The following ANXA10 variants were observed in gnomAD, a reference collection of about 807,000 sequenced individuals.
The protein encoded by ANXA10 is annexin 14.
ANXA10 carries 49 observed loss-of-function variants against 53.5 expected under a neutral mutation model. The ratio of observed to expected loss-of-function variants is 0.92; its 90% CI spans 0.73 to 1.16. ANXA10 has a LOEUF of 1.16. ANXA10 is among the 50% of genes most tolerant of loss of function. ANXA10 has a pLI of 0.00. For missense variants in ANXA10, 393 were observed against 394.4 expected, an observed-to-expected ratio of 1.00 and a Z score of 0.03; for synonymous variants, 131 against 128.9, an observed-to-expected ratio of 1.02 and a Z score of -0.11.
intron 1 of ANXA10, among the ~76,000 whole-genome samples, chr4:168,118,272 T>G (rs1348654685): frequency 1.3e-5 from 2 of 152,178 alleles, no homozygotes; most frequent in East Asian, 3.8e-4. Context: ...TTCAAAAGAT[T>G]AAATATAAAC....
intron 2 of ANXA10, among the ~76,000 whole-genome samples, chr4:168,134,529 G>A (rs1234047248): frequency 1.3e-5 from 2 of 152,092 alleles, no homozygotes; most frequent in Non-Finnish European, 2.9e-5. Context: ...GTAAGAATAA[G>A]ACAAAGAAAG....
At chr4:168,169,897 A>G (rs1056576491) in intron 6 of ANXA10, among the ~76,000 whole-genome samples, 1 of 152,194 alleles carries the variant, frequency 6.6e-6, no homozygotes, top group Admixed American at 6.5e-5. Context: ...TTAGGATCAC[A>G]GTGTATTTTT....
At chr4:168,161,185 AGTTTTGG>A (rs1731776641) in intron 3 of ANXA10, among the ~76,000 whole-genome samples, 2 of 151,902 alleles carry the variant, frequency 1.3e-5, no homozygotes, top group South Asian at 4.2e-4. Flanking sequence ...GGTTTTTTAT[AGTTTTGG>A]GTTTTACATT....
At chr4:168,176,605 T>C (rs1177963745) in intron 6 of ANXA10, among the ~76,000 whole-genome samples, 1 of 152,132 alleles carries the variant, frequency 6.6e-6, no homozygotes, top group Non-Finnish European at 1.5e-5. Flanking sequence ...ATTCATACTA[T>C]TTAGGGACTG....
chr4:168,180,943 A>C (rs570190398), intron 9 of ANXA10, among the ~76,000 whole-genome samples: 9 of 152,308 alleles, frequency 5.9e-5, no homozygotes, highest in Admixed American at 2.6e-4. Flanking sequence ...GTTGTGGTCC[A>C]TAGTTTCCCC....
In ANXA10 at chr4:168,101,492, T is replaced by A. The variant is rs1012773005; in HGVS notation, c.18+8774T>A. On this transcript the variant is annotated intron_variant, in intron 1 of 11. Coordinates refer to ENST00000359299, the MANE Select transcript of ANXA10 (RefSeq NM_007193.5). ...TTCTTTCTTTTCTCTTTTCTTTGTG[T>A]TTTTTTTGGGGGGGAAGGGGACGGG... 3.0e-5 allele frequency among the ~76,000 whole-genome samples: 4 copies of A among 135,436 alleles called. No individual in the cohort carries two copies. The East Asian group carries it at 1.0e-3, about 34-fold the overall frequency. 88.9% of individuals were successfully genotyped at this position (135,436 alleles called of 152,430 possible).
intron 1 of ANXA10, among the ~76,000 whole-genome samples, chr4:168,114,800 T>A (rs908657873): frequency 7.2e-5 from 11 of 152,206 alleles, no homozygotes; most frequent in African/African-American, 2.7e-4. Flanking sequence ...GCTCCAACCA[T>A]GTGCCTGCCG....
Position 168,128,018 on chromosome 4 carries a change from C to T in ANXA10, c.19-66C>T, listed in dbSNP as rs1318246173. On this transcript the variant is annotated intron_variant, in intron 1 of 11. Transcript: ENST00000359299. ...AGATTACAGGTATGAGCCACTGTGC[C>T]CGGCCACAATGTTGAAACATTAACA... The T allele has an allele frequency of 2.8e-6, 4 of 1,442,308 alleles. No homozygotes were observed. In the Admixed American group the frequency reaches 5.1e-5, roughly 18 times the overall value. 89.3% of individuals were successfully genotyped at this position (1,442,308 alleles called of 1,614,324 possible).
chr4:168,164,241 C>G lies in ANXA10; in HGVS notation c.353C>G (p.Ser118Ter). Residue 118 changes from serine to a stop codon, truncating the protein, a stop_gained, in exon 5 of 12, where the codon TCA becomes TGA. Coordinates refer to ENST00000359299, the MANE Select transcript of ANXA10 (RefSeq NM_007193.5). LOFTEE classifies it high-confidence loss of function. Reference protein sequence around the residue: ...DENCLIEILASRTNGEIFQMR... With the variant: ...DENCLIEILA ...AATTGCCTCATTGAAATACTAGCTT[C>G]AAGAACAAATGGAGAAATTTTCCAG... The G allele has an allele frequency of 1.9e-6, 3 of 1,613,220 alleles. No homozygotes were observed. The highest frequency in any genetic ancestry group is 2.5e-6 in the Non-Finnish European group (3 of 1,179,430).
At chr4:168,166,010 G>T (rs1161457862) in intron 6 of ANXA10, among the ~76,000 whole-genome samples, 3 of 152,146 alleles carry the variant, frequency 2.0e-5, no homozygotes, top group Non-Finnish European at 4.4e-5. Context: ...ACTGCTACAT[G>T]GGCTTAGCGC....
chr4:168,154,468 A>G (rs1438229542), intron 3 of ANXA10, among the ~76,000 whole-genome samples: 1 of 152,178 alleles, frequency 6.6e-6, no homozygotes, highest in African/African-American at 2.4e-5. Flanking sequence ...TCACTGAAAT[A>G]TAATAAACGC....
chr4:168,112,502 G>A (rs935329751), intron 1 of ANXA10, among the ~76,000 whole-genome samples: 7 of 152,128 alleles, frequency 4.6e-5, no homozygotes, highest in Non-Finnish European at 5.9e-5. Context: ...TAGACAATGA[G>A]ATCATAAATG....
chr4:168,095,637 C>T (rs1415525420), intron 1 of ANXA10, among the ~76,000 whole-genome samples: 1 of 152,018 alleles, frequency 6.6e-6, no homozygotes, highest in Non-Finnish European at 1.5e-5. Context: ...TTTGGAGGTA[C>T]TAGATATTCT....
chr4:168,142,168 G>C (rs528900674), intron 3 of ANXA10, among the ~76,000 whole-genome samples: 1 of 152,134 alleles, frequency 6.6e-6, no homozygotes, highest in Admixed American at 6.5e-5. Flanking sequence ...GACTTCCCAA[G>C]CTTTTCCTTT....
chr4:168,160,961 C>T (rs1323623396), intron 3 of ANXA10, among the ~76,000 whole-genome samples: 1 of 152,118 alleles, frequency 6.6e-6, no homozygotes, highest in Non-Finnish European at 1.5e-5. Context: ...GGTTATTAGA[C>T]CTTTGTCCCA....
chr4:168,123,597 G>A (rs1184150101), intron 1 of ANXA10, among the ~76,000 whole-genome samples: 1 of 152,158 alleles, frequency 6.6e-6, no homozygotes, highest in East Asian at 1.9e-4. Context: ...AACTGACTTA[G>A]CAAGATTCTC....
At chr4:168,122,902 C>T (rs553966190) in intron 1 of ANXA10, among the ~76,000 whole-genome samples, 1 of 152,244 alleles carries the variant, frequency 6.6e-6, no homozygotes, top group African/African-American at 2.4e-5. Context: ...AATCATATCA[C>T]ATATTTAGCG....
chr4:168,184,541 C>G lies in ANXA10; in HGVS notation c.784-18C>G. On this transcript the variant is annotated intron_variant, in intron 10 of 11. Coordinates refer to ENST00000359299, the MANE Select transcript of ANXA10 (RefSeq NM_007193.5). ...GGATGCTGTCTTCTCATTTCTCCCA[C>G]TTTTCTGTATCTTTTAGGACTTTGG... 1 of 1,612,964 alleles carries G rather than the reference C, an allele frequency of 6.2e-7. No homozygotes were observed. The highest frequency in any genetic ancestry group is 1.3e-5 in the African/African-American group (1 of 74,954).
chr4:168,117,812 T>G (rs968117586), intron 1 of ANXA10, among the ~76,000 whole-genome samples: 1 of 152,148 alleles, frequency 6.6e-6, no homozygotes, highest in African/African-American at 2.4e-5. Flanking sequence ...GGGTTACAGG[T>G]GGCCTCAGAG....
Sources: gnomAD v4.1 joint callset for allele counts (sites outside exome capture counted in the v4.1 genomes callset) on GRCh38, gnomAD v4.1.1 for gene constraint, MANE v1.5 for transcripts, NCBI Gene and HGNC (gene_info 2026-07-23, HGNC 2026-07-21) for gene names.